The following SUGCT variants were observed in gnomAD, a reference collection of about 807,000 sequenced individuals.
The protein encoded by SUGCT is succinyl-CoA:glutarate CoA-transferase.
Under a neutral mutation model 55.0 loss-of-function variants are expected in SUGCT, and 41 were observed. That is an observed-to-expected ratio of 0.74 (90% confidence interval 0.58 to 0.97). The LOEUF (loss-of-function observed/expected upper bound fraction) is 0.97, where lower values mean the gene tolerates loss of function less well. Ranked by LOEUF, SUGCT falls within the 50% of genes least tolerant of loss-of-function variation. SUGCT has a pLI of 0.00. For synonymous variants in SUGCT, 187 were observed against 200.4 expected (o/e 0.93, Z 0.56); for missense variants, 568 against 547.8 (o/e 1.04, Z -0.37).
chr7:40,570,097 A>G (rs1360234541), intron 12 of SUGCT, among the ~76,000 whole-genome samples: 14 of 152,228 alleles, frequency 9.2e-5, no homozygotes, highest in Admixed American at 9.2e-4. Context: ...TGGTGATTGC[A>G]TTATATTTTC....
intron 13 of SUGCT, among the ~76,000 whole-genome samples, chr7:40,774,355 A>C (rs1789341866): frequency 6.6e-6 from 1 of 152,182 alleles, no homozygotes; most frequent in African/African-American, 2.4e-5. Context: ...ATTTACATAA[A>C]TGCTCTCTTT....
At chr7:40,545,898 G>A (rs1047639287) in intron 12 of SUGCT, among the ~76,000 whole-genome samples, 1 of 152,104 alleles carries the variant, frequency 6.6e-6, no homozygotes, top group African/African-American at 2.4e-5. Flanking sequence ...CTCTCTGTGG[G>A]CTTATTGCAT....
intron 13 of SUGCT, among the ~76,000 whole-genome samples, chr7:40,765,863 A>C (rs1170417511): frequency 6.6e-6 from 1 of 152,136 alleles, no homozygotes; most frequent in Admixed American, 6.5e-5. Flanking sequence ...TCTGACCACA[A>C]GGCCCCTTCC....
intron 13 of SUGCT, among the ~76,000 whole-genome samples, chr7:40,762,263 A>T (rs1414740485): frequency 6.6e-6 from 1 of 152,248 alleles, no homozygotes; most frequent in Non-Finnish European, 1.5e-5. Flanking sequence ...AGAATTCTGC[A>T]CAATTGTTCG....
chr7:40,772,978 TC>T (rs1372761304), intron 13 of SUGCT, among the ~76,000 whole-genome samples: 9 of 152,078 alleles, frequency 5.9e-5, no homozygotes, highest in African/African-American at 2.2e-4. Context: ...TAAAACAACT[TC>T]CTCACTTTCT....
chr7:40,983,469 T>G, the SUGCT span, among the ~76,000 whole-genome samples: 3 of 152,238 alleles, frequency 2.0e-5, no homozygotes, highest in African/African-American at 7.2e-5. Context: ...GGAAAATCAC[T>G]GGCTGCTTAG....
At chr7:40,428,412 T>A (rs1787710514) in intron 9 of SUGCT, among the ~76,000 whole-genome samples, 1 of 152,148 alleles carries the variant, frequency 6.6e-6, no homozygotes, top group African/African-American at 2.4e-5. Flanking sequence ...TTGTCACTTT[T>A]AAATTGTTTT....
intron 9 of SUGCT, among the ~76,000 whole-genome samples, chr7:40,444,618 T>C (rs1254271582): frequency 6.6e-6 from 1 of 152,172 alleles, no homozygotes; most frequent in Non-Finnish European, 1.5e-5. Context: ...TTAAGGAGAT[T>C]TTGGGCTGAG....
intron 13 of SUGCT, among the ~76,000 whole-genome samples, chr7:40,787,211 A>G (rs1790056866): frequency 6.6e-6 from 1 of 152,188 alleles, no homozygotes; most frequent in Non-Finnish European, 1.5e-5. Flanking sequence ...AAACTGGATA[A>G]GTTTTCAAAA....
intron 12 of SUGCT, among the ~76,000 whole-genome samples, chr7:40,743,323 T>C (rs933386396): frequency 6.6e-6 from 1 of 152,206 alleles, no homozygotes; most frequent in African/African-American, 2.4e-5. Flanking sequence ...ATAAGAGCAC[T>C]CTCCCCCAAC....
intron 13 of SUGCT, among the ~76,000 whole-genome samples, chr7:40,784,100 A>G (rs896941408): frequency 2.6e-5 from 4 of 152,132 alleles, no homozygotes; most frequent in African/African-American, 9.7e-5. Flanking sequence ...CCTGAGTATG[A>G]TACCTTCTTC....
At chr7:40,166,556 C>A (rs1349324445) in intron 1 of SUGCT, among the ~76,000 whole-genome samples, 2 of 152,088 alleles carry the variant, frequency 1.3e-5, no homozygotes, top group East Asian at 1.9e-4. Flanking sequence ...AACAAGAAAC[C>A]TTTATACGCC....
chr7:40,509,851 C>G (rs1038808229), intron 12 of SUGCT, among the ~76,000 whole-genome samples: 2 of 152,110 alleles, frequency 1.3e-5, no homozygotes, highest in Non-Finnish European at 2.9e-5. Flanking sequence ...TGTATTCTGT[C>G]CAGGATTTAG....
intron 10 of SUGCT, among the ~76,000 whole-genome samples, chr7:40,457,466 A>G (rs764177883): frequency 4.7e-4 from 72 of 151,926 alleles, no homozygotes; most frequent in Non-Finnish European, 8.2e-4. Flanking sequence ...CTTTTGGGGG[A>G]AACAGTACCT....
chr7:40,586,540 G>A (rs181625590), intron 12 of SUGCT, among the ~76,000 whole-genome samples: 148 of 152,244 alleles, frequency 9.7e-4, no homozygotes, highest in Admixed American at 2.2e-3. Flanking sequence ...GAGAAGGGGT[G>A]AGGTGTTTTA....
At chr7:40,767,749 A>G (rs1314006599) in intron 13 of SUGCT, among the ~76,000 whole-genome samples, 1 of 152,226 alleles carries the variant, frequency 6.6e-6, no homozygotes, top group Non-Finnish European at 1.5e-5. Context: ...AATAGGTAAG[A>G]CAGAGGCTTC....
chr7:40,994,623 C>T, the SUGCT span, among the ~76,000 whole-genome samples: 1 of 152,184 alleles, frequency 6.6e-6, no homozygotes, highest in African/African-American at 2.4e-5. Context: ...ACAAATTCTC[C>T]TTGTGGGTTA....
intron 13 of SUGCT, among the ~76,000 whole-genome samples, chr7:40,770,578 A>G (rs1044702511): frequency 7.9e-5 from 12 of 152,138 alleles, no homozygotes; most frequent in East Asian, 3.9e-4. Context: ...AATTATACCT[A>G]TACTCACATA....
At chr7:40,703,283 C>T (rs577761824) in intron 12 of SUGCT, among the ~76,000 whole-genome samples, 46 of 152,106 alleles carry the variant, frequency 3.0e-4, no homozygotes, top group East Asian at 1.2e-3. Flanking sequence ...AGGCTGGTCT[C>T]GACAGCCTGT....
Sources: gnomAD v4.1 joint callset for allele counts (sites outside exome capture counted in the v4.1 genomes callset) on GRCh38, gnomAD v4.1.1 for gene constraint, MANE v1.5 for transcripts, NCBI Gene and HGNC (gene_info 2026-07-23, HGNC 2026-07-21) for gene names.